The following MYO3B variants were observed in gnomAD, a reference collection of about 807,000 sequenced individuals.
The protein encoded by MYO3B is myosin IIIB.
Under a neutral mutation model 174.6 loss-of-function variants are expected in MYO3B, and 156 were observed. That is an observed-to-expected ratio of 0.89 (90% CI 0.78 to 1.02). The LOEUF is 1.02. MYO3B is among the 50% of genes least tolerant of loss of function. The probability of loss-of-function intolerance (pLI) is 0.00; values close to 1 mark genes in which losing one functional copy is unlikely to be tolerated. For synonymous variants in MYO3B, 563 were observed against 569.1 expected, an observed-to-expected ratio of 0.99 and a Z score of 0.15; for missense variants, 1,632 against 1,639.4, an observed-to-expected ratio of 1.00 and a Z score of 0.08.
chr2:170,381,018 G>A (rs1232389085), intron 9 of MYO3B, among the ~76,000 whole-genome samples: 1 of 152,226 alleles, frequency 6.6e-6, no homozygotes, highest in Non-Finnish European at 1.5e-5. Flanking sequence ...CTAGTTGAGA[G>A]GCTGAGTGGG....
At chr2:170,389,890 C>T (rs2094400060) in intron 14 of MYO3B, among the ~76,000 whole-genome samples, 1 of 152,120 alleles carries the variant, frequency 6.6e-6, no homozygotes, top group Non-Finnish European at 1.5e-5. Flanking sequence ...ATCACCACTA[C>T]CATTACCCTA....
At chr2:170,504,731 A>G (rs1308945510) in intron 28 of MYO3B, among the ~76,000 whole-genome samples, 1 of 152,176 alleles carries the variant, frequency 6.6e-6, no homozygotes, top group East Asian at 1.9e-4. Context: ...AGGAGCCACC[A>G]TTTCAAAGCC....
intron 32 of MYO3B, chr2:170,646,935 T>C: frequency 7.4e-7 from 1 of 1,354,560 alleles, no homozygotes; most frequent in Non-Finnish European, 9.9e-7. Flanking sequence ...ATGTAACTTT[T>C]ATGGGTATAT....
chr2:170,445,337 T>A (rs1379513858), intron 23 of MYO3B, among the ~76,000 whole-genome samples: 1 of 149,424 alleles, frequency 6.7e-6, no homozygotes, highest in Admixed American at 6.6e-5. Context: ...CTTGCGGGGA[T>A]ACATTTTTTT....
At chr2:170,524,570 G>A (rs1276145426) in intron 30 of MYO3B, 4 of 425,034 alleles carry the variant, frequency 9.4e-6, no homozygotes, top group Non-Finnish European at 1.9e-5. Context: ...TGCAACCTCC[G>A]CCCTCTGGGT....
At chr2:170,373,644 A>T (rs1049237601) in intron 9 of MYO3B, among the ~76,000 whole-genome samples, 1 of 152,126 alleles carries the variant, frequency 6.6e-6, no homozygotes, top group Non-Finnish European at 1.5e-5. Flanking sequence ...GAGGGAGACA[A>T]CGAAGACAGA....
chr2:170,236,278 G>A (rs561070737), intron 7 of MYO3B, 142 bp downstream of exon 7: 41 of 973,932 alleles, frequency 4.2e-5, no homozygotes, highest in Non-Finnish European at 6.1e-5. Flanking sequence ...AAAAAGCAAG[G>A]GGGGCTGGGG....
Position 170,252,290 on chromosome 2 carries a change from T to G in MYO3B, c.749+16154T>G, listed in dbSNP as rs1250547454. Among the ~76,000 whole-genome samples the G allele has an allele frequency of 3.3e-5, 5 of 152,224 alleles. No individual in the cohort carries two copies. The East Asian group carries it at 9.6e-4, about 29-fold the overall frequency. On this transcript the variant is annotated intron_variant, in intron 7 of 34. Transcript: ENST00000408978. ...TCTACAAGGAAATAGTTCATTGGAT[T>G]GGTAATAATATGCTCTCCAACTGGA...
intron 2 of MYO3B, 59 bp from the exon 3 acceptor site, chr2:170,200,091 T>C (rs369476743): frequency 1.3e-5 from 20 of 1,547,052 alleles, no homozygotes; most frequent in Non-Finnish European, 1.8e-5. Context: ...TGATGTCATA[T>C]CTGTACCCTT....
intron 32 of MYO3B, among the ~76,000 whole-genome samples, chr2:170,565,263 A>G (rs1410639207): frequency 1.3e-5 from 2 of 152,358 alleles, no homozygotes; most frequent in Middle Eastern, 3.4e-3. Flanking sequence ...GCAATCTGCC[A>G]ATATATTATT....
intron 24 of MYO3B, 87 bp downstream of exon 24, chr2:170,463,532 A>T (rs1433344546): frequency 1.3e-5 from 15 of 1,128,634 alleles, no homozygotes; most frequent in Non-Finnish European, 2.0e-5. Flanking sequence ...GGAGTCAGTG[A>T]AACAAGGGCA....
chr2:170,522,776 C>T (rs115411874), intron 30 of MYO3B, among the ~76,000 whole-genome samples: 240 of 152,290 alleles, frequency 1.6e-3, no homozygotes, highest in African/African-American at 5.7e-3. Flanking sequence ...CAGCTCTTAC[C>T]TTTTGGTCAA....
chr2:170,545,795 T>G (rs1223029532), intron 32 of MYO3B, among the ~76,000 whole-genome samples: 2 of 152,188 alleles, frequency 1.3e-5, no homozygotes, highest in Non-Finnish European at 2.9e-5. Context: ...CCCCTTACAC[T>G]CTTATAAACA....
In MYO3B at chr2:170,229,212, T is replaced by C. The variant is rs138477153; in HGVS notation, c.604-6779T>C. ...ACATTTATCAATTATGCTGCATGAA[T>C]TGTGTAAGCAAATTAAGAATCCTAT... On this transcript the variant is annotated intron_variant, in intron 6 of 34. Coordinates refer to ENST00000408978, the MANE Select transcript of MYO3B (RefSeq NM_138995.5). Among the ~76,000 whole-genome samples the C allele has an allele frequency of 2.0e-5, 3 of 152,318 alleles. No individual in the cohort carries two copies. In the East Asian group the frequency reaches 5.8e-4, roughly 29 times the overall value.
intron 22 of MYO3B, among the ~76,000 whole-genome samples, chr2:170,441,041 C>G (rs1274399522): frequency 6.6e-6 from 1 of 152,024 alleles, no homozygotes; most frequent in Non-Finnish European, 1.5e-5. Flanking sequence ...ACCTTGTGAT[C>G]CACCCGCCTC....
intron 25 of MYO3B, among the ~76,000 whole-genome samples, chr2:170,486,404 A>G (rs1361177767): frequency 1.3e-5 from 2 of 149,916 alleles, no homozygotes; most frequent in East Asian, 1.9e-4. Context: ...TCCCAGGTTC[A>G]AGCAATTCTC....
At chr2:170,317,639 C>G (rs917013196) in intron 7 of MYO3B, among the ~76,000 whole-genome samples, 1 of 152,060 alleles carries the variant, frequency 6.6e-6, no homozygotes, top group Admixed American at 6.6e-5. Context: ...GGTGAAAGAC[C>G]GGAGGTTGCT....
chr2:170,626,165 C>G (rs1696407790), intron 32 of MYO3B, among the ~76,000 whole-genome samples: 1 of 152,096 alleles, frequency 6.6e-6, no homozygotes, highest in Non-Finnish European at 1.5e-5. Flanking sequence ...GTTGAAGTCT[C>G]CCATTATTAT....
chr2:170,494,985 CAGTT>C (rs1686765485), intron 25 of MYO3B, among the ~76,000 whole-genome samples: 1 of 152,130 alleles, frequency 6.6e-6, no homozygotes, highest in Non-Finnish European at 1.5e-5. Flanking sequence ...GACTCACCCA[CAGTT>C]AGAGACAGAG....
Sources: gnomAD v4.1 joint callset for allele counts (sites outside exome capture counted in the v4.1 genomes callset) on GRCh38, gnomAD v4.1.1 for gene constraint, MANE v1.5 for transcripts, NCBI Gene and HGNC (gene_info 2026-07-23, HGNC 2026-07-21) for gene names.